The following DENND2B variants were observed in gnomAD, a reference collection of about 807,000 sequenced individuals.
DENND2B encodes DENN domain-containing protein 2B.
DENND2B carries 32 observed loss-of-function variants against 116.0 expected under a neutral mutation model. The ratio of observed to expected loss-of-function variants is 0.28; its 90% CI spans 0.21 to 0.37. The LOEUF (loss-of-function observed/expected upper bound fraction) is 0.37, where lower values mean the gene tolerates loss of function less well. Among genes scored for constraint, DENND2B ranks in the 10% least tolerant of loss-of-function variants. The probability of loss-of-function intolerance (pLI) is 1.00; values close to 1 mark genes in which losing one functional copy is unlikely to be tolerated. For synonymous variants in DENND2B, 588 were observed against 583.9 expected, an observed-to-expected ratio of 1.01 and a Z score of -0.10; for missense variants, 1,276 against 1,477.7, an observed-to-expected ratio of 0.86 and a Z score of 2.24.
chr11:8,731,694 A>AG (rs2048154355), intron 2 of DENND2B, among the ~76,000 whole-genome samples: 1 of 152,214 alleles, frequency 6.6e-6, no homozygotes, highest in South Asian at 2.1e-4. Context: ...TGGTAAAAAG[A>AG]GGGAAAAAGG....
At chr11:8,754,033 A>G (rs1604522) in intron 1 of DENND2B, among the ~76,000 whole-genome samples, 77 of 59,700 alleles carry the variant, frequency 1.3e-3, no homozygotes, top group South Asian at 2.8e-3. Context: ...AAGCGCGCAC[A>G]CACACACACA....
intron 1 of DENND2B, among the ~76,000 whole-genome samples, chr11:8,884,527 A>G (rs1406558999): frequency 6.6e-6 from 1 of 152,166 alleles, no homozygotes; most frequent in African/African-American, 2.4e-5. Flanking sequence ...TAGTATATTC[A>G]GCTAGAAATT....
chr11:8,850,012 A>G (rs879463990), intron 3 of DENND2B, among the ~76,000 whole-genome samples: 2,756 of 147,534 alleles, frequency 0.019, 43 homozygotes, highest in African/African-American at 0.026. Context: ...GTACATGCCC[A>G]TAATCCCAGC....
Position 8,693,715 on chromosome 11 carries a change from TCAGG to T in DENND2B, c.*377_*380del. 5 of 195,326 alleles carry T rather than the reference TCAGG, an allele frequency of 2.6e-5. No individual in the cohort carries two copies. The highest frequency in any genetic ancestry group is 1.2e-4 in the South Asian group (1 of 8,022). The allele number at this position is 195,326 out of a possible 1,614,324, so 12.1% of individuals were successfully genotyped here. A position where few individuals can be genotyped will look rare whatever the true frequency, so the allele number is the denominator to read the frequency against. On this transcript the variant is annotated 3_prime_UTR_variant, in exon 20 of 20. Transcript: ENST00000313726. Reference sequence around the variant, plus strand: ...GGGCCCGGGACTGGCAGCGGGGACCTCAGGCAGGCAGGCAGGCCGAAGGCCTCCA... The same window carrying T: ...GGGCCCGGGACTGGCAGCGGGGACCTCAGGCAGGCAGGCCGAAGGCCTCCA...
At chr11:8,833,736 G>C (rs775738358) in intron 4 of DENND2B, among the ~76,000 whole-genome samples, 3 of 152,120 alleles carry the variant, frequency 2.0e-5, no homozygotes, top group African/African-American at 7.2e-5. Flanking sequence ...TAAGCACCTG[G>C]AATCTCCCCT....
At position 8,859,347 on chromosome 11, in the gene DENND2B, G is replaced by A. The variant is rs372124790; in HGVS notation, c.-249-1911C>T. 7.9e-5 allele frequency among the ~76,000 whole-genome samples: 12 copies of A among 151,464 alleles called. No homozygotes were observed. The South Asian group carries it at 8.3e-4, about 11-fold the overall frequency. On this transcript the variant is annotated intron_variant, in intron 2 of 6. Transcript: ENST00000524757. ...TTTTGAGACAGAGTCTCCCTCTCTC[G>A]CCCAGGCTGGAGTGCAGTGGCGCGA... is the stretch of plus-strand genomic sequence containing the variant.
chr11:8,737,896 TGCCACCAGGTCCA>T (rs2049382202), intron 2 of DENND2B, among the ~76,000 whole-genome samples: 1 of 150,280 alleles, frequency 6.7e-6, no homozygotes, highest in African/African-American at 2.4e-5. Flanking sequence ...TACAGGTTCA[TGCCACCAGGTCCA>T]GCTAATTTTT....
intron 1 of DENND2B, among the ~76,000 whole-genome samples, chr11:8,799,568 T>TA (rs1384290855): frequency 5.8e-5 from 8 of 138,042 alleles, no homozygotes; most frequent in South Asian, 2.2e-4. Context: ...TCTCTTTTTT[T>TA]TTTTTTTTTT....
chr11:8,900,442 A>G (rs1429408277), intron 1 of DENND2B, among the ~76,000 whole-genome samples: 2 of 150,262 alleles, frequency 1.3e-5, no homozygotes, highest in East Asian at 4.0e-4. Context: ...AAAAAAAAAA[A>G]AAAAAAATTA....
chr11:8,907,247 A>G (rs1329428641), intron 1 of DENND2B, among the ~76,000 whole-genome samples: 1 of 152,096 alleles, frequency 6.6e-6, no homozygotes, highest in East Asian at 1.9e-4. Context: ...CTGACAGTCT[A>G]TTTCCCTGTT....
At chr11:8,868,385 A>G (rs751901941) in intron 2 of DENND2B, among the ~76,000 whole-genome samples, 3 of 152,224 alleles carry the variant, frequency 2.0e-5, no homozygotes, top group Non-Finnish European at 4.4e-5. Context: ...AAAAATCTTT[A>G]AAACCTAAAC....
intron 2 of DENND2B, among the ~76,000 whole-genome samples, chr11:8,741,041 C>A (rs2050112497): frequency 6.6e-6 from 1 of 152,234 alleles, no homozygotes. Context: ...ATACTCACAA[C>A]TTGGCTTTCT....
chr11:8,863,187 T>G (rs2134684074), intron 2 of DENND2B, among the ~76,000 whole-genome samples: 1 of 151,704 alleles, frequency 6.6e-6, no homozygotes, highest in South Asian at 2.1e-4. Context: ...TAAAAAAAAT[T>G]TTAAATGGCC....
At chr11:8,869,400 C>A (rs568856442) in intron 2 of DENND2B, among the ~76,000 whole-genome samples, 1 of 152,192 alleles carries the variant, frequency 6.6e-6, no homozygotes, top group East Asian at 1.9e-4. Context: ...CAGTGGCTCA[C>A]GCCTGTAATT....
chr11:8,828,701 T>C (rs2062074294), intron 4 of DENND2B, among the ~76,000 whole-genome samples: 1 of 152,186 alleles, frequency 6.6e-6, no homozygotes, highest in Non-Finnish European at 1.5e-5. Flanking sequence ...CTCCAGCTTC[T>C]GACCCGGATG....
chr11:8,853,341 C>A (rs963773667), intron 3 of DENND2B, among the ~76,000 whole-genome samples: 1 of 151,880 alleles, frequency 6.6e-6, no homozygotes, highest in African/African-American at 2.4e-5. Context: ...ACAGCCTGGG[C>A]GACAAGAGCA....
At chr11:8,801,701 G>GAAAC (rs1555199003) in intron 1 of DENND2B, among the ~76,000 whole-genome samples, 6 of 145,644 alleles carry the variant, frequency 4.1e-5, no homozygotes, top group East Asian at 2.0e-4. Context: ...AAGAAAGAAA[G>GAAAC]AAACAAACAA....
intron 1 of DENND2B, among the ~76,000 whole-genome samples, chr11:8,891,886 C>T (rs549295872): frequency 2.0e-5 from 3 of 152,142 alleles, no homozygotes; most frequent in African/African-American, 4.8e-5. Flanking sequence ...CTGCACCAAG[C>T]GGACCTAATA....
At chr11:8,737,997 C>T (rs1206778209) in intron 2 of DENND2B, among the ~76,000 whole-genome samples, 1 of 151,960 alleles carries the variant, frequency 6.6e-6, no homozygotes, top group Non-Finnish European at 1.5e-5. Flanking sequence ...GATCCTCCTG[C>T]CTTGGCCTCC....
Sources: gnomAD v4.1 joint callset for allele counts (sites outside exome capture counted in the v4.1 genomes callset) on GRCh38, gnomAD v4.1.1 for gene constraint, MANE v1.5 for transcripts, NCBI Gene and HGNC (gene_info 2026-07-23, HGNC 2026-07-21) for gene names.